Variants in RGCC observed in about 807,000 individuals in gnomAD.
The protein encoded by RGCC is regulator of cell cycle, also known as regulator of cell cycle RGCC.
A neutral mutation model predicts 15.4 loss-of-function variants in RGCC; 15 were observed. The observed-to-expected ratio is 0.97, with a 90% confidence interval of 0.65 to 1.50. RGCC has a LOEUF of 1.50. Ranked by LOEUF, RGCC falls within the 40% of genes most tolerant of loss-of-function variation. The pLI, the probability that RGCC is intolerant of heterozygous loss-of-function variation, is 0.00. For missense variants in RGCC, 176 were observed against 189.7 expected (o/e 0.93, Z 0.42); for synonymous variants, 81 against 78.0 (o/e 1.04, Z -0.20).
chr13:41,462,063 A>G (rs2043824274), intron 2 of RGCC, among the ~76,000 whole-genome samples: 1 of 152,134 alleles, frequency 6.6e-6, no homozygotes, highest in South Asian at 2.1e-4. Flanking sequence ...CAGAATTTAG[A>G]TTTTCAGGAG....
rs771736451 is a variant in RGCC at position 41,468,845 on chromosome 13, A to G, written c.406+7A>G. 1 of 1,590,440 alleles carries G rather than the reference A, an allele frequency of 6.3e-7. No individual in the cohort carries two copies. The highest frequency in any genetic ancestry group is 8.6e-7 in the Non-Finnish European group (1 of 1,168,208). On this transcript the variant is annotated splice_region_variant and intron_variant, in intron 4 of 4. Coordinates refer to ENST00000379359, the MANE Select transcript of RGCC (RefSeq NM_014059.3). ...CTTGACAAAACTTTAGCAAGTAAGTACATGTCTGATATTAAAAACAAAAAA... is the reference window on the plus strand; with the variant it reads ...CTTGACAAAACTTTAGCAAGTAAGTGCATGTCTGATATTAAAAACAAAAAA...
At chr13:41,462,692 A>C (rs1323692403) in intron 2 of RGCC, among the ~76,000 whole-genome samples, 1 of 152,218 alleles carries the variant, frequency 6.6e-6, no homozygotes, top group Non-Finnish European at 1.5e-5. Flanking sequence ...GCTGTCATTT[A>C]ATCAGACTAA....
intron 2 of RGCC, among the ~76,000 whole-genome samples, chr13:41,463,710 TA>T (rs1268124205): frequency 6.6e-6 from 1 of 152,152 alleles, no homozygotes; most frequent in East Asian, 1.9e-4. Context: ...CCTGTGAACC[TA>T]AAGGATCAGA....
rs767348818 is a variant in RGCC, at chr13:41,458,379, G to A, written c.144G>A (p.Glu48=). ...VLADFASPFH[E]RHFHYEEHLE... is the part of the protein sequence containing the mutation. ...CCGACTTCGCGTCGCCCTTCCACGA[G>A]CGCCACTTCCACTACGAGGAGCACC... Residue 48 remains glutamate, a synonymous_variant, in exon 2 of 5, where the codon GAG becomes GAA. Coordinates refer to ENST00000379359, the MANE Select transcript of RGCC (RefSeq NM_014059.3). This position sits in a 1 kb window ranked among gnomAD's most constrained non-coding sequence, Gnocchi z 4.4. 5.6e-6 allele frequency: 9 copies of A among 1,598,670 alleles called. No individual in the cohort carries two copies. The Admixed American group carries it at 6.7e-5, about 12-fold the overall frequency.
rs755024064 is a variant in RGCC, at chr13:41,458,394, C to G, written c.159C>G (p.Tyr53Ter). Residue 53 changes from tyrosine to a stop codon, truncating the protein, a stop_gained, in exon 2 of 5, where the codon TAC (tyrosine) becomes TAG (stop). Coordinates refer to ENST00000379359, the MANE Select transcript of RGCC (RefSeq NM_014059.3). LOFTEE classifies it high-confidence loss of function. The surrounding 1 kb of genome is among the most constrained non-coding windows in gnomAD (Gnocchi z 4.4). ...CCTTCCACGAGCGCCACTTCCACTA[C>G]GAGGAGCACCTGGAGCGCATGAAGC... ...ASPFHERHFHYEEHLERMKRR... is the reference protein window; with the variant it reads ...ASPFHERHFH The G allele has an allele frequency of 1.6e-5, 25 of 1,600,170 alleles. No individual in the cohort carries two copies. Among genetic ancestry groups the G allele is most frequent in the Admixed American group, 6.7e-5 (4 of 59,538 alleles).
intron 2 of RGCC, among the ~76,000 whole-genome samples, chr13:41,465,209 T>C (rs1388771976): frequency 6.6e-6 from 1 of 152,150 alleles, no homozygotes; most frequent in East Asian, 1.9e-4. Context: ...GGGGACCTGG[T>C]AAGGCCCCCA....
At chr13:41,464,515 C>T (rs1042891463) in intron 2 of RGCC, among the ~76,000 whole-genome samples, 4 of 152,118 alleles carry the variant, frequency 2.6e-5, no homozygotes, top group African/African-American at 7.2e-5. Flanking sequence ...TAAGGTTCCA[C>T]GGAGTCCAAG....
At chr13:41,463,169 GC>G (rs1233438576) in intron 2 of RGCC, among the ~76,000 whole-genome samples, 1 of 152,126 alleles carries the variant, frequency 6.6e-6, no homozygotes, top group Non-Finnish European at 1.5e-5. Flanking sequence ...TTTTCACGTG[GC>G]CTCTAGACAC....
chr13:41,469,092 T>G (rs1300104774), intron 4 of RGCC, among the ~76,000 whole-genome samples: 1 of 151,932 alleles, frequency 6.6e-6, no homozygotes, highest in Non-Finnish European at 1.5e-5. Flanking sequence ...AAACCCAATC[T>G]CTACTAAAAA....
chr13:41,466,749 C>A, intron 2 of RGCC, 74 bp from the exon 3 acceptor site: 1 of 1,042,234 alleles, frequency 9.6e-7, no homozygotes, highest in South Asian at 1.3e-5. Flanking sequence ...TGTTGGTTAT[C>A]AATAGACTAT....
Position 41,457,769 on chromosome 13 carries a change from T to C in RGCC, c.49+13T>C. 1 of 1,377,364 alleles carries C rather than the reference T, an allele frequency of 7.3e-7. No individual in the cohort carries two copies. The highest frequency in any genetic ancestry group is 9.3e-7 in the Non-Finnish European group (1 of 1,069,852). The allele number at this position is 1,377,364 out of a possible 1,614,324, so 85.3% of individuals were successfully genotyped here. A position where few individuals can be genotyped will look rare whatever the true frequency, so the allele number is the denominator to read the frequency against. ...GCCGCGGCCGCAGGTGAGTGCGGGG[T>C]CCGGGGTCCCCTTAAAGTCTCGGCT... On this transcript the variant is annotated intron_variant, in intron 1 of 4. Transcript: ENST00000379359. This position sits in a 1 kb window ranked among gnomAD's most constrained non-coding sequence, Gnocchi z 4.9.
intron 3 of RGCC, 23 bp downstream of exon 3, chr13:41,466,953 G>T: frequency 1.3e-6 from 2 of 1,554,976 alleles, no homozygotes; most frequent in South Asian, 2.2e-5. Context: ...GTTGGAATTT[G>T]AGTTTTTTGC....
rs2043801453 is a variant in RGCC, at chr13:41,458,044, C to G, written c.50-241C>G. ...GGAGGAATCTGGCCGCGCCAAGTCG[C>G]TGGGTGACCCTGGGCCTGGCGAAGG... On this transcript the variant is annotated intron_variant, in intron 1 of 4. Coordinates refer to ENST00000379359, the MANE Select transcript of RGCC (RefSeq NM_014059.3). The surrounding 1 kb of genome is among the most constrained non-coding windows in gnomAD (Gnocchi z 4.4). 6.6e-6 allele frequency among the ~76,000 whole-genome samples: 1 copy of G among 152,160 alleles called. No individual in the cohort carries two copies. Among genetic ancestry groups the G allele is most frequent in the Admixed American group, 6.5e-5 (1 of 15,288 alleles).
chr13:41,460,995 C>T (rs1325925891), intron 2 of RGCC, among the ~76,000 whole-genome samples: 1 of 152,120 alleles, frequency 6.6e-6, no homozygotes. Context: ...GTTGCTTGCA[C>T]CCAAAGGCAA....
chr13:41,469,283 T>C (rs866059125), intron 4 of RGCC, among the ~76,000 whole-genome samples: 1 of 115,790 alleles, frequency 8.6e-6, no homozygotes. Flanking sequence ...ATAATAATAA[T>C]AATAATAATA....
chr13:41,462,060 T>C (rs533762180), intron 2 of RGCC, among the ~76,000 whole-genome samples: 1 of 152,324 alleles, frequency 6.6e-6, no homozygotes, highest in East Asian at 1.9e-4. Flanking sequence ...TATCAGAATT[T>C]AGATTTTCAG....
At chr13:41,466,703 A>T in intron 2 of RGCC, 120 bp from the exon 3 acceptor site, 1 of 699,404 alleles carries the variant, frequency 1.4e-6, no homozygotes, top group South Asian at 1.7e-5. Flanking sequence ...TTTCTTTACT[A>T]TAGAGTTGCA....
chr13:41,466,569 A>G (rs1240793076), intron 2 of RGCC, among the ~76,000 whole-genome samples: 1 of 151,986 alleles, frequency 6.6e-6, no homozygotes, highest in Non-Finnish European at 1.5e-5. Flanking sequence ...TTGTATTTTT[A>G]GTAGAGATGG....
In RGCC at chr13:41,458,168, G is replaced by T; in HGVS notation, c.50-117G>T. The T allele has an allele frequency of 1.2e-6, 1 of 838,880 alleles. No individual in the cohort carries two copies. Among genetic ancestry groups the T allele is most frequent in the Non-Finnish European group, 1.8e-6 (1 of 553,766 alleles). 52.0% of individuals were successfully genotyped at this position (838,880 alleles called of 1,614,324 possible). On this transcript the variant is annotated intron_variant, in intron 1 of 4. Transcript: ENST00000379359. The surrounding 1 kb of genome is among the most constrained non-coding windows in gnomAD (Gnocchi z 4.4). Reference sequence around the variant, plus strand: ...AACAGCGACTGCGTGGCTGTCACTTGGCAGAGGCGCCAAGTGTCAGTTATC... The same window carrying T: ...AACAGCGACTGCGTGGCTGTCACTTTGCAGAGGCGCCAAGTGTCAGTTATC...
Sources: gnomAD v4.1 joint callset for allele counts (sites outside exome capture counted in the v4.1 genomes callset) on GRCh38, gnomAD v4.1.1 for gene constraint, Gnocchi (gnomAD v3.1) non-coding constraint, MANE v1.5 for transcripts, NCBI Gene and HGNC (gene_info 2026-07-23, HGNC 2026-07-21) for gene names.